The following RICTOR variants were observed in gnomAD, a reference collection of about 807,000 sequenced individuals.
The protein encoded by RICTOR is rapamycin-insensitive companion of mTOR.
A neutral mutation model predicts 214.9 loss-of-function variants in RICTOR; 49 were observed. That is an observed-to-expected ratio of 0.23 (90% CI 0.18 to 0.29). The LOEUF is 0.29. Ranked by LOEUF, RICTOR falls within the 10% of genes least tolerant of loss-of-function variation. The probability of loss-of-function intolerance (pLI) is 1.00; values close to 1 mark genes in which losing one functional copy is unlikely to be tolerated. For synonymous variants in RICTOR, 717 were observed against 711.3 expected (o/e 1.01, Z -0.13); for missense variants, 1,625 against 2,047.0 (o/e 0.79, Z 3.98).
At chr5:39,004,221 C>T (rs1331897045) in intron 3 of RICTOR, among the ~76,000 whole-genome samples, 8 of 151,760 alleles carry the variant, frequency 5.3e-5, no homozygotes, top group African/African-American at 1.9e-4. Context: ...TTGACTTGTT[C>T]TGTTAGTGTT....
intron 2 of RICTOR, among the ~76,000 whole-genome samples, chr5:39,042,352 G>A (rs923329226): frequency 5.3e-5 from 8 of 152,104 alleles, no homozygotes; most frequent in African/African-American, 1.2e-4. Context: ...TATACTATTT[G>A]TGCTAATATT....
chr5:38,983,422 C>T (rs1751889847), intron 7 of RICTOR, among the ~76,000 whole-genome samples: 1 of 152,182 alleles, frequency 6.6e-6, no homozygotes, highest in Non-Finnish European at 1.5e-5. Flanking sequence ...CAAAGTAACA[C>T]TGTCTCCTTT....
intron 2 of RICTOR, among the ~76,000 whole-genome samples, chr5:39,034,219 C>T (rs1756486195): frequency 6.6e-6 from 1 of 152,180 alleles, no homozygotes; most frequent in Admixed American, 6.5e-5. Flanking sequence ...TATACTGTAA[C>T]TGTCAAATAT....
chr5:39,016,278 C>G (rs561455529), intron 3 of RICTOR, among the ~76,000 whole-genome samples: 16 of 148,890 alleles, frequency 1.1e-4, no homozygotes, highest in African/African-American at 4.0e-4. Flanking sequence ...CAGAGATACA[C>G]TGCATACTCT....
At chr5:39,028,888 A>T (rs149191209) in intron 2 of RICTOR, among the ~76,000 whole-genome samples, 1 of 152,284 alleles carries the variant, frequency 6.6e-6, no homozygotes, top group East Asian at 1.9e-4. Context: ...CCAGAGCAAG[A>T]CCCAGTCTCT....
At chr5:39,036,643 C>CA (rs1166414119) in intron 2 of RICTOR, among the ~76,000 whole-genome samples, 2 of 151,448 alleles carry the variant, frequency 1.3e-5, no homozygotes, top group African/African-American at 2.4e-5. Flanking sequence ...AAATGGAAAA[C>CA]AAAAAAAGGC....
intron 2 of RICTOR, among the ~76,000 whole-genome samples, 178 bp downstream of exon 2, chr5:39,073,933 T>A (rs561288603): frequency 5.9e-4 from 89 of 151,682 alleles, no homozygotes; most frequent in African/African-American, 2.1e-3. Flanking sequence ...GGTAGGGGGA[T>A]GGGTCCGGCG....
chr5:38,982,067 TG>T (rs746644371), intron 7 of RICTOR, 31 bp from the exon 8 acceptor site: 1 of 1,516,366 alleles, frequency 6.6e-7, no homozygotes, highest in Non-Finnish European at 9.1e-7. Context: ...ATATTATATT[TG>T]GGGTAATTAT....
Position 39,003,646 on chromosome 5 carries a change from T to G in RICTOR, c.196-24A>C, listed in dbSNP as rs765204223. 3.2e-5 allele frequency: 48 copies of G among 1,486,812 alleles called. 1 individual carries two copies. In the South Asian group the frequency reaches 4.4e-4, roughly 14 times the overall value. 92.1% of individuals were successfully genotyped at this position (1,486,812 alleles called of 1,614,324 possible). A position where few individuals can be genotyped will look rare whatever the true frequency, so the allele number is the denominator to read the frequency against. ...AGCTGTCAGAAAAACAAAATAAGTGTGCATTTATGTGTTGTATATTTTCAC... is the reference window on the plus strand; with the variant it reads ...AGCTGTCAGAAAAACAAAATAAGTGGGCATTTATGTGTTGTATATTTTCAC... On this transcript the variant is annotated intron_variant, in intron 3 of 37. Coordinates refer to ENST00000357387, the MANE Select transcript of RICTOR (RefSeq NM_152756.5).
At position 38,990,557 on chromosome 5, in the gene RICTOR, G is replaced by A. The variant is rs62359806; in HGVS notation, c.583+392C>T. Among the ~76,000 whole-genome samples the A allele has an allele frequency of 4.8e-3, 495 of 102,220 alleles. 5 individuals are homozygous for A. Among genetic ancestry groups the A allele is most frequent in the African/African-American group, 0.016 (468 of 28,370 alleles). The allele number at this position is 102,220 out of a possible 152,430, so 67.1% of individuals were successfully genotyped here. On this transcript the variant is annotated intron_variant, in intron 7 of 37. Transcript: ENST00000357387. The stretch of plus-strand genomic sequence containing the variant: ...TATACGATATATACACGATATACAC[G>A]ATATATACACGATATATATGATATA...
At chr5:39,051,752 C>A (rs1468577856) in intron 2 of RICTOR, among the ~76,000 whole-genome samples, 3 of 147,572 alleles carry the variant, frequency 2.0e-5, no homozygotes, top group Non-Finnish European at 3.0e-5. Flanking sequence ...GACTCTGTCT[C>A]AAAAAAAAAA....
chr5:39,059,176 C>T (rs1372794451), intron 2 of RICTOR, among the ~76,000 whole-genome samples: 2 of 152,130 alleles, frequency 1.3e-5, no homozygotes, highest in Non-Finnish European at 2.9e-5. Flanking sequence ...TAAGACATAA[C>T]ATCAGGCATA....
Position 38,945,640 on chromosome 5 carries a change from G to A in RICTOR, c.4484C>T (p.Ser1495Leu). Residue 1495 changes from serine to leucine, a missense_variant, in exon 34 of 38, where the codon TCA becomes TTA. This residue lies in a region of RICTOR where 1,214 missense variants were observed against 1,470.5 expected (regional missense o/e 0.83). Transcript: ENST00000357387. The stretch of plus-strand genomic sequence containing the variant: ...AAACAGAGAGGCATCTGAATGGATT[G>A]AATTCATTATTTCCGTAAGACTCAT... The part of the protein sequence containing the change: ...QQMSLTEIMN[S>L]IHSDASLFLE... The A allele has an allele frequency of 6.2e-7, 1 of 1,613,536 alleles. No homozygotes were observed. Among genetic ancestry groups the A allele is most frequent in the South Asian group, 1.1e-5 (1 of 91,078 alleles).
intron 2 of RICTOR, among the ~76,000 whole-genome samples, chr5:39,026,531 G>A (rs1046474635): frequency 2.0e-5 from 3 of 152,046 alleles, no homozygotes; most frequent in African/African-American, 7.2e-5. Flanking sequence ...TGGAAGTAAT[G>A]CAGTAACTGC....
intron 10 of RICTOR, 111 bp downstream of exon 10, chr5:38,975,426 A>G: frequency 1.4e-6 from 1 of 732,152 alleles, no homozygotes; most frequent in Non-Finnish European, 2.4e-6. Flanking sequence ...ATAATATACA[A>G]AGTAAGACTA....
chr5:39,072,174 C>A (rs1759372367), intron 2 of RICTOR, among the ~76,000 whole-genome samples: 2 of 152,132 alleles, frequency 1.3e-5, no homozygotes, highest in African/African-American at 4.8e-5. Flanking sequence ...TTATTCCAAA[C>A]TGAAGTACAT....
intron 37 of RICTOR, among the ~76,000 whole-genome samples, 171 bp from the exon 38 acceptor site, chr5:38,942,549 C>T (rs1261021696): frequency 2.0e-5 from 3 of 149,108 alleles, no homozygotes; most frequent in Non-Finnish European, 4.4e-5. Context: ...GTCCTGGGTT[C>T]ATATGATCCT....
intron 6 of RICTOR, among the ~76,000 whole-genome samples, chr5:38,992,346 C>CT (rs551995544): frequency 2.0e-4 from 30 of 152,088 alleles, no homozygotes; most frequent in Admixed American, 3.3e-4. Flanking sequence ...TCGGTAAGTT[C>CT]TTTTTTAATA....
intron 3 of RICTOR, among the ~76,000 whole-genome samples, chr5:39,010,064 C>G (rs1466870176): frequency 6.6e-6 from 1 of 152,162 alleles, no homozygotes; most frequent in Non-Finnish European, 1.5e-5. Flanking sequence ...AGGGCAGGAC[C>G]AGGTGGAGAT....
Sources: gnomAD v4.1 joint callset for allele counts (sites outside exome capture counted in the v4.1 genomes callset) on GRCh38, gnomAD v4.1.1 for gene constraint, gnomAD v4.1.1 regional missense constraint, MANE v1.5 for transcripts, NCBI Gene and HGNC (gene_info 2026-07-23, HGNC 2026-07-21) for gene names.